CELF4: variants seen among roughly 807,000 people sequenced by gnomAD.
CELF4 encodes CUGBP Elav-like family member 4.
Under a neutral mutation model 59.9 loss-of-function variants are expected in CELF4, and 18 were observed. The ratio of observed to expected loss-of-function variants is 0.30; its 90% CI spans 0.21 to 0.45. CELF4 has a LOEUF of 0.45. CELF4 is among the 20% of genes least tolerant of loss of function. CELF4 has a pLI of 1.00. For missense variants in CELF4, 456 were observed against 689.0 expected (o/e 0.66, Z 3.79); for synonymous variants, 261 against 267.1 (o/e 0.98, Z 0.22).
chr18:37,497,628 G>A (rs566470725), intron 1 of CELF4, among the ~76,000 whole-genome samples: 4 of 144,548 alleles, frequency 2.8e-5, no homozygotes, highest in South Asian at 2.2e-4. Context: ...CTCCAGCCTC[G>A]ATGACAGAAC....
rs1180559385 is a variant in CELF4, at chr18:37,485,654, G to C, written c.287-47C>G. The C allele has an allele frequency of 1.9e-5, 24 of 1,280,172 alleles. No individual in the cohort carries two copies. In the East Asian group the frequency reaches 7.1e-4, roughly 38 times the overall value. The allele number at this position is 1,280,172 out of a possible 1,614,324, so 79.3% of individuals were successfully genotyped here. On this transcript the variant is annotated intron_variant, in intron 1 of 12. Coordinates refer to ENST00000420428, the MANE Select transcript of CELF4 (RefSeq NM_020180.4). ...AAGAAGGGTCAGTGGGGCGCCCCCG[G>C]GCCCGCCGACGCGCCCTGCCGCCCG... is the stretch of plus-strand genomic sequence containing the variant.
intron 2 of CELF4, among the ~76,000 whole-genome samples, chr18:37,443,232 C>T (rs961647925): frequency 1.1e-4 from 16 of 152,096 alleles, no homozygotes; most frequent in African/African-American, 3.6e-4. Context: ...AGACTTATTT[C>T]TTCTCCTTCC....
chr18:37,515,142 T>C (rs180827508), intron 1 of CELF4, among the ~76,000 whole-genome samples: 42 of 152,328 alleles, frequency 2.8e-4, no homozygotes, highest in African/African-American at 9.9e-4. Flanking sequence ...GCCAATTATC[T>C]CTCTTTGTCA....
At chr18:37,372,616 G>C (rs534880153) in intron 2 of CELF4, among the ~76,000 whole-genome samples, 1 of 151,962 alleles carries the variant, frequency 6.6e-6, no homozygotes, top group African/African-American at 2.4e-5. Flanking sequence ...ATGTACCCTA[G>C]AACTTAAAGT....
chr18:37,266,294 T>A (rs1601209407), intron 9 of CELF4: 2 of 593,982 alleles, frequency 3.4e-6, no homozygotes, highest in African/African-American at 3.7e-5. Context: ...AGGGTGAAAC[T>A]TCCACCTGGC....
intron 11 of CELF4, among the ~76,000 whole-genome samples, chr18:37,256,538 T>C (rs2069582023): frequency 6.6e-6 from 1 of 152,210 alleles, no homozygotes; most frequent in Non-Finnish European, 1.5e-5. Flanking sequence ...GACTTGTCCA[T>C]GAGGGAATGC....
At chr18:37,455,968 C>T (rs925860288) in intron 2 of CELF4, among the ~76,000 whole-genome samples, 4 of 152,182 alleles carry the variant, frequency 2.6e-5, no homozygotes, top group Admixed American at 2.6e-4. Flanking sequence ...ATTCACTCTC[C>T]CATCTCTAGC....
At chr18:37,248,951 C>CAGGG (rs113251007) in intron 12 of CELF4, among the ~76,000 whole-genome samples, 45,718 of 148,758 alleles carry the variant, frequency 0.31, 10,896 homozygotes, top group African/African-American at 0.68. Flanking sequence ...TGCTTTCCTG[C>CAGGG]AGGGAGGGAG....
intron 1 of CELF4, among the ~76,000 whole-genome samples, chr18:37,560,216 G>A (rs1021880178): frequency 6.6e-6 from 1 of 152,206 alleles, no homozygotes; most frequent in Non-Finnish European, 1.5e-5. Context: ...TGTGTGGGAT[G>A]TGCTTAGTCA....
At chr18:37,335,317 G>A (rs1454160696) in intron 2 of CELF4, among the ~76,000 whole-genome samples, 1 of 152,134 alleles carries the variant, frequency 6.6e-6, no homozygotes, top group African/African-American at 2.4e-5. Context: ...GTGAATGTGT[G>A]TGCGTGAGGG....
chr18:37,387,870 C>T (rs2099116026), intron 2 of CELF4, among the ~76,000 whole-genome samples: 2 of 152,228 alleles, frequency 1.3e-5, no homozygotes, highest in Admixed American at 6.5e-5. Flanking sequence ...CCCCTGCACT[C>T]TCTCATCAGA....
intron 9 of CELF4, 147 bp downstream of exon 9, chr18:37,266,386 G>T: frequency 1.2e-6 from 1 of 853,932 alleles, no homozygotes; most frequent in Non-Finnish European, 1.9e-6. Context: ...AGCCTGGAGG[G>T]TCTCTGCCAG....
rs968735231 is a variant in CELF4, at chr18:37,537,708, T to C, written c.286+27648A>G. On this transcript the variant is annotated intron_variant, in intron 1 of 12. Coordinates refer to ENST00000420428, the MANE Select transcript of CELF4 (RefSeq NM_020180.4). ...GGTGACAGATGGAGACACCCCTCCC[T>C]TTGCTTTCTCTGAAAGTAAACTAAA... Among the ~76,000 whole-genome samples, 9 of 152,210 alleles carry C rather than the reference T, an allele frequency of 5.9e-5. No homozygotes were observed. The South Asian group carries it at 1.9e-3, about 32-fold the overall frequency.
intron 2 of CELF4, among the ~76,000 whole-genome samples, chr18:37,474,213 TAG>T (rs2154602707): frequency 6.6e-6 from 1 of 152,328 alleles, no homozygotes; most frequent in Non-Finnish European, 1.5e-5. Flanking sequence ...GGTGGCCACT[TAG>T]AAATTACAAT....
At chr18:37,515,749 C>T (rs995790474) in intron 1 of CELF4, among the ~76,000 whole-genome samples, 2 of 151,992 alleles carry the variant, frequency 1.3e-5, no homozygotes, top group African/African-American at 4.8e-5. Context: ...GCATGGTGTC[C>T]TGCTTCTTTT....
intron 1 of CELF4, among the ~76,000 whole-genome samples, chr18:37,547,826 G>A (rs1030827743): frequency 7.9e-5 from 12 of 152,096 alleles, no homozygotes; most frequent in Non-Finnish European, 1.3e-4. Context: ...TGTCTTTAAG[G>A]AGTGGTATGT....
intron 2 of CELF4, among the ~76,000 whole-genome samples, chr18:37,333,573 G>A (rs561539412): frequency 7.2e-5 from 11 of 152,222 alleles, no homozygotes; most frequent in Admixed American, 6.5e-5. Flanking sequence ...GGGTAGGGAG[G>A]CCACGCCTCA....
chr18:37,506,623 G>T (rs1308812275), intron 1 of CELF4, among the ~76,000 whole-genome samples: 4 of 152,180 alleles, frequency 2.6e-5, no homozygotes, highest in Non-Finnish European at 5.9e-5. Context: ...AACTTGAGCT[G>T]CAGTCGCCCA....
At chr18:37,537,220 T>C (rs1603643646) in intron 1 of CELF4, among the ~76,000 whole-genome samples, 2 of 152,330 alleles carry the variant, frequency 1.3e-5, no homozygotes, top group Non-Finnish European at 2.9e-5. Context: ...ATCTCCAAAC[T>C]GTCACTGCCC....
Sources: gnomAD v4.1 joint callset for allele counts (sites outside exome capture counted in the v4.1 genomes callset) on GRCh38, gnomAD v4.1.1 for gene constraint, MANE v1.5 for transcripts, NCBI Gene and HGNC (gene_info 2026-07-23, HGNC 2026-07-21) for gene names.